Variants in SV2C observed in about 807,000 individuals in gnomAD.
SV2C encodes solute carrier family 22 member B3.
A neutral mutation model predicts 79.7 loss-of-function variants in SV2C; 49 were observed. The observed-to-expected ratio is 0.61, with a 90% CI of 0.49 to 0.78. The LOEUF (loss-of-function observed/expected upper bound fraction) is 0.78. Ranked by LOEUF, SV2C falls within the 30% of genes least tolerant of loss-of-function variation. The pLI, the probability that SV2C is intolerant of heterozygous loss-of-function variation, is 0.00. For synonymous variants in SV2C, 334 were observed against 333.2 expected (o/e 1.00, Z -0.03); for missense variants, 833 against 912.9 (o/e 0.91, Z 1.13).
chr5:75,904,741 A>T, the SV2C span, among the ~76,000 whole-genome samples: 1 of 152,376 alleles, frequency 6.6e-6, no homozygotes, highest in African/African-American at 2.4e-5. Flanking sequence ...AAACGTAGAC[A>T]TAGGCAGCAC....
chr5:76,021,821 A>G, the SV2C span, among the ~76,000 whole-genome samples: 1 of 152,126 alleles, frequency 6.6e-6, no homozygotes, highest in Non-Finnish European at 1.5e-5. Flanking sequence ...TAATACTTAA[A>G]AGTGCTTGGG....
the SV2C span, among the ~76,000 whole-genome samples, chr5:76,032,494 G>A: frequency 3.3e-5 from 5 of 152,056 alleles, no homozygotes; most frequent in Admixed American, 6.5e-5. Context: ...GAGAATATGC[G>A]GTGTTGGGTT....
rs564024160 is a variant in SV2C at position 76,159,073 on chromosome 5, T to C, written c.580+26743T>C. Among the ~76,000 whole-genome samples the C allele has an allele frequency of 2.6e-5, 4 of 151,912 alleles. No individual in the cohort carries two copies. In the East Asian group the frequency reaches 7.7e-4, roughly 29 times the overall value. ...CTCAATACACAGAAAAATCATTTGATAAATTCAACACCTTTTCATGGTAAA... is the reference window on the plus strand; with the variant it reads ...CTCAATACACAGAAAAATCATTTGACAAATTCAACACCTTTTCATGGTAAA... On this transcript the variant is annotated intron_variant, in intron 2 of 12. Coordinates refer to ENST00000502798, the MANE Select transcript of SV2C (RefSeq NM_014979.4).
At chr5:76,224,490 C>T (rs1202978792) in intron 4 of SV2C, among the ~76,000 whole-genome samples, 1 of 152,166 alleles carries the variant, frequency 6.6e-6, no homozygotes, top group Non-Finnish European at 1.5e-5. Flanking sequence ...CTTAGTAACT[C>T]ACCGCTGTGT....
At chr5:76,258,188 C>T (rs1265040892) in intron 4 of SV2C, among the ~76,000 whole-genome samples, 2 of 151,538 alleles carry the variant, frequency 1.3e-5, no homozygotes, top group Admixed American at 1.3e-4. Context: ...AGTACTCTTT[C>T]GACCACAAAG....
chr5:76,190,843 A>C (rs1744078381), intron 2 of SV2C, among the ~76,000 whole-genome samples: 1 of 152,200 alleles, frequency 6.6e-6, no homozygotes, highest in Non-Finnish European at 1.5e-5. Flanking sequence ...ATTCTTTTCA[A>C]CCATTTCCAG....
the SV2C span, among the ~76,000 whole-genome samples, chr5:75,961,644 A>G: frequency 1.3e-5 from 2 of 152,104 alleles, no homozygotes; most frequent in East Asian, 3.9e-4. Flanking sequence ...TTTTAATTAC[A>G]TACCATTTAA....
chr5:76,127,582 A>T (rs1349871585), intron 1 of SV2C, among the ~76,000 whole-genome samples: 1 of 152,110 alleles, frequency 6.6e-6, no homozygotes, highest in African/African-American at 2.4e-5. Flanking sequence ...TTTACAGGAG[A>T]TACTGCTAAT....
chr5:76,037,578 C>G, the SV2C span, among the ~76,000 whole-genome samples: 1 of 152,130 alleles, frequency 6.6e-6, no homozygotes, highest in Admixed American at 6.6e-5. Flanking sequence ...GGTCGGGGAC[C>G]CACTTGAGGA....
chr5:75,999,504 TA>T, the SV2C span, among the ~76,000 whole-genome samples: 1 of 152,000 alleles, frequency 6.6e-6, no homozygotes, highest in Admixed American at 6.6e-5. Flanking sequence ...GCCCATGGTG[TA>T]ATTCTGCCCG....
chr5:75,994,092 G>C, the SV2C span, among the ~76,000 whole-genome samples: 2 of 152,004 alleles, frequency 1.3e-5, no homozygotes, highest in South Asian at 4.1e-4. Flanking sequence ...GGGCTTAATG[G>C]GGTCATTTAA....
intron 12 of SV2C, among the ~76,000 whole-genome samples, chr5:76,348,912 C>G (rs1200704796): frequency 6.7e-6 from 1 of 149,224 alleles, no homozygotes; most frequent in African/African-American, 2.6e-5. Context: ...AGGCAGAGAA[C>G]AGCTTGAACC....
the SV2C span, among the ~76,000 whole-genome samples, chr5:75,916,916 G>A: frequency 6.6e-6 from 1 of 152,188 alleles, no homozygotes; most frequent in Non-Finnish European, 1.5e-5. Flanking sequence ...AGCCAACGAA[G>A]GTTGGCAGGT....
At chr5:76,000,374 G>A in the SV2C span, among the ~76,000 whole-genome samples, 2 of 152,088 alleles carry the variant, frequency 1.3e-5, no homozygotes, top group African/African-American at 4.8e-5. Flanking sequence ...TCCTACCTGG[G>A]ATATTCCCCA....
At chr5:76,129,403 T>C (rs925663448) in intron 1 of SV2C, among the ~76,000 whole-genome samples, 1 of 150,638 alleles carries the variant, frequency 6.6e-6, no homozygotes, top group Non-Finnish European at 1.5e-5. Context: ...AAAGAGAACT[T>C]ATATGTGCAC....
At chr5:76,308,719 CCCAAGCTCCCT>C (rs1239748619) in intron 12 of SV2C, among the ~76,000 whole-genome samples, 1 of 152,194 alleles carries the variant, frequency 6.6e-6, no homozygotes, top group Admixed American at 6.5e-5. Flanking sequence ...ACTCCCCATC[CCCAAGCTCCCT>C]AGCAGTTCTG....
chr5:76,037,512 G>A, the SV2C span, among the ~76,000 whole-genome samples: 1 of 152,172 alleles, frequency 6.6e-6, no homozygotes, highest in Non-Finnish European at 1.5e-5. Context: ...GCCGTGTGAG[G>A]TGTCAATCTG....
At chr5:76,094,481 TG>T (rs1305975748) in intron 1 of SV2C, among the ~76,000 whole-genome samples, 8 of 152,336 alleles carry the variant, frequency 5.3e-5, no homozygotes, top group East Asian at 1.9e-4. Context: ...CATGTTTTTT[TG>T]TGTATCAATA....
chr5:75,871,120 A>G, the SV2C span, among the ~76,000 whole-genome samples: 1 of 152,250 alleles, frequency 6.6e-6, no homozygotes, highest in Admixed American at 6.5e-5. Flanking sequence ...TAATATGCCA[A>G]TAGATGCCAA....
Sources: gnomAD v4.1 joint callset for allele counts (sites outside exome capture counted in the v4.1 genomes callset) on GRCh38, gnomAD v4.1.1 for gene constraint, MANE v1.5 for transcripts, NCBI Gene and HGNC (gene_info 2026-07-23, HGNC 2026-07-21) for gene names.